Variants in FGF2 observed in about 807,000 individuals in gnomAD.
FGF2 encodes fibroblast growth factor 2, also known as basic fibroblast growth factor bFGF.
In FGF2, 13 loss-of-function variants were observed where a neutral mutation model predicts 15.9. The observed-to-expected ratio is 0.82, with a 90% CI of 0.53 to 1.30. The LOEUF (loss-of-function observed/expected upper bound fraction) is 1.30. FGF2 is among the 50% of genes most tolerant of loss of function. FGF2 has a pLI of 0.00. For synonymous variants in FGF2, 90 were observed against 78.4 expected (o/e 1.15, Z -0.78); for missense variants, 163 against 196.9 (o/e 0.83, Z 1.03).
At chr4:122,870,566 G>A (rs990157033) in intron 1 of FGF2, among the ~76,000 whole-genome samples, 4 of 152,160 alleles carry the variant, frequency 2.6e-5, no homozygotes, top group African/African-American at 7.2e-5. Context: ...CGGTGTATGT[G>A]TCCAGGAATT....
Position 122,827,441 on chromosome 4 carries a change from T to C in FGF2, c.178+89T>C. The C allele has an allele frequency of 6.9e-7, 1 of 1,446,668 alleles. No homozygotes were observed. 89.6% of individuals were successfully genotyped at this position (1,446,668 alleles called of 1,614,324 possible). A position where few individuals can be genotyped will look rare whatever the true frequency, so the allele number is the denominator to read the frequency against. On this transcript the variant is annotated intron_variant, in intron 1 of 2. Transcript: ENST00000644866. The surrounding 1 kb of genome is among the most constrained non-coding windows in gnomAD (Gnocchi z 4.2). ...CTCCAGCCTGCACCCTCCTCCCGGA[T>C]CTTCACTGCGACCCTAGCGCTCCGT...
intron 1 of FGF2, among the ~76,000 whole-genome samples, chr4:122,848,177 C>T (rs1384583572): frequency 1.3e-5 from 2 of 152,170 alleles, no homozygotes; most frequent in African/African-American, 2.4e-5. Context: ...CTAGACTGGC[C>T]TCCTGTTGAC....
chr4:122,864,635 C>T (rs1046930893), intron 1 of FGF2, among the ~76,000 whole-genome samples: 1 of 152,140 alleles, frequency 6.6e-6, no homozygotes, highest in South Asian at 2.1e-4. Context: ...GAAATTCTCT[C>T]TTTTTCCTTG....
At chr4:122,850,121 A>T (rs1040913615) in intron 1 of FGF2, among the ~76,000 whole-genome samples, 1 of 152,048 alleles carries the variant, frequency 6.6e-6, no homozygotes, top group Non-Finnish European at 1.5e-5. Flanking sequence ...AATTAGCTGG[A>T]TGCAGTGGCA....
intron 2 of FGF2, among the ~76,000 whole-genome samples, chr4:122,891,431 T>TTTC (rs1727186068): frequency 6.6e-6 from 1 of 151,586 alleles, no homozygotes; most frequent in Non-Finnish European, 1.5e-5. Context: ...ATCCTTTTTT[T>TTTC]TTTTTTTTTG....
intron 1 of FGF2, among the ~76,000 whole-genome samples, chr4:122,852,765 A>T (rs775556760): frequency 1.4e-4 from 21 of 152,130 alleles, no homozygotes; most frequent in Non-Finnish European, 2.5e-4. Context: ...AAACCCTGGC[A>T]TTTCATCCTT....
chr4:122,827,869 T>C lies in FGF2; in HGVS notation c.178+517T>C, dbSNP rs1194856078. ...TCTCACCCACTCTGTTTTATATTTTTCCGAATTGACGAAAGCTGAAAGAGC... is the reference window on the plus strand; with the variant it reads ...TCTCACCCACTCTGTTTTATATTTTCCCGAATTGACGAAAGCTGAAAGAGC... On this transcript the variant is annotated intron_variant, in intron 1 of 2. Coordinates refer to ENST00000644866, the MANE Select transcript of FGF2 (RefSeq NM_001361665.2). This position sits in a 1 kb window ranked among gnomAD's most constrained non-coding sequence, Gnocchi z 4.2. Among the ~76,000 whole-genome samples the C allele has an allele frequency of 2.0e-5, 3 of 152,192 alleles. No homozygotes were observed. The East Asian group carries it at 5.8e-4, about 29-fold the overall frequency.
At chr4:122,871,991 A>G (rs1338607317) in intron 1 of FGF2, among the ~76,000 whole-genome samples, 1 of 152,160 alleles carries the variant, frequency 6.6e-6, no homozygotes, top group Non-Finnish European at 1.5e-5. Context: ...ATGTCTCTCC[A>G]TCAAGGGTGC....
Position 122,895,951 on chromosome 4 carries a change from T to C in FGF2, c.*3555T>C, listed in dbSNP as rs1362497847. The C allele has an allele frequency of 6.6e-6, 1 of 152,634 alleles. No homozygotes were observed. The highest frequency in any genetic ancestry group is 1.9e-4 in the East Asian group (1 of 5,196). The allele number at this position is 152,634 out of a possible 1,614,324, so 9.5% of individuals were successfully genotyped here. ...CTTCATCATTAAGAATATCTTTTGT[T>C]TTATGTTGAGTTAGAAATGCCTTCA... is the stretch of plus-strand genomic sequence containing the variant. On this transcript the variant is annotated 3_prime_UTR_variant, in exon 3 of 3. Transcript: ENST00000644866.
intron 1 of FGF2, among the ~76,000 whole-genome samples, chr4:122,836,127 G>A (rs2150763349): frequency 6.6e-6 from 1 of 152,324 alleles, no homozygotes; most frequent in African/African-American, 2.4e-5. Context: ...AATAGTTAGT[G>A]GTTTATGTGT....
intron 2 of FGF2, among the ~76,000 whole-genome samples, chr4:122,891,320 G>A (rs964203122): frequency 1.3e-5 from 2 of 151,916 alleles, no homozygotes; most frequent in Admixed American, 6.6e-5. Flanking sequence ...GATTACAGGC[G>A]TGAGCCACCG....
At chr4:122,828,566 A>T (rs2150759220) in intron 1 of FGF2, among the ~76,000 whole-genome samples, 1 of 152,200 alleles carries the variant, frequency 6.6e-6, no homozygotes, top group Non-Finnish European at 1.5e-5. Flanking sequence ...TGCTAATGGG[A>T]TGTCATGAGG....
chr4:122,875,715 G>C (rs1726832522), intron 1 of FGF2, among the ~76,000 whole-genome samples: 1 of 152,186 alleles, frequency 6.6e-6, no homozygotes, highest in African/African-American at 2.4e-5. Flanking sequence ...ACTGAGGCAG[G>C]AGAATGGTGT....
intron 1 of FGF2, among the ~76,000 whole-genome samples, chr4:122,866,105 C>G (rs933453471): frequency 6.6e-6 from 1 of 152,086 alleles, no homozygotes; most frequent in Non-Finnish European, 1.5e-5. Context: ...CGCGGTGGCT[C>G]ATGCCTGTAA....
intron 1 of FGF2, among the ~76,000 whole-genome samples, chr4:122,837,204 G>A (rs1460016079): frequency 6.6e-6 from 1 of 152,180 alleles, no homozygotes; most frequent in Non-Finnish European, 1.5e-5. Flanking sequence ...GATAGAAATT[G>A]TATGACAAAG....
upstream of FGF2, chr4:122,826,696 G>C (rs1463168499): frequency 1.6e-6 from 2 of 1,255,308 alleles, no homozygotes; most frequent in African/African-American, 3.1e-5. Flanking sequence ...CCGAACCGCC[G>C]AACTCAGAGG....
chr4:122,861,442 C>T (rs1156945274), intron 1 of FGF2, among the ~76,000 whole-genome samples: 1 of 152,194 alleles, frequency 6.6e-6, no homozygotes, highest in Non-Finnish European at 1.5e-5. Flanking sequence ...ACAGAAAAAC[C>T]TGGGACCTAT....
intron 1 of FGF2, among the ~76,000 whole-genome samples, chr4:122,856,968 A>G (rs1726355110): frequency 6.6e-6 from 1 of 152,198 alleles, no homozygotes; most frequent in African/African-American, 2.4e-5. Context: ...AAGACCATTT[A>G]ACACATATAG....
intron 1 of FGF2, among the ~76,000 whole-genome samples, chr4:122,847,635 ATCTATCTG>A (rs1221842983): frequency 0.016 from 2,208 of 135,364 alleles, 33 homozygotes; most frequent in African/African-American, 0.059. Flanking sequence ...CTATCTATCT[ATCTATCTG>A]TCTATCTAAT....
Sources: allele counts gnomAD v4.1 joint callset (sites outside exome capture counted in the v4.1 genomes callset), GRCh38; gene constraint gnomAD v4.1.1; non-coding constraint Gnocchi (gnomAD v3.1); transcripts MANE v1.5; gene names NCBI Gene and HGNC (gene_info 2026-07-23, HGNC 2026-07-21).